Variants in RICTOR observed in about 807,000 individuals in gnomAD.
RICTOR encodes the protein RPTOR independent companion of MTOR complex 2, also known as rapamycin-insensitive companion of mTOR.
RICTOR carries 49 observed loss-of-function variants against 214.9 expected under a neutral mutation model. The observed-to-expected ratio is 0.23, with a 90% CI of 0.18 to 0.29. RICTOR has a LOEUF of 0.29. RICTOR is among the 10% of genes least tolerant of loss of function. The pLI, the probability that RICTOR is intolerant of heterozygous loss-of-function variation, is 1.00. For synonymous variants in RICTOR, 717 were observed against 711.3 expected (o/e 1.01, Z -0.13); for missense variants, 1,625 against 2,047.0 (o/e 0.79, Z 3.98).
intron 10 of RICTOR, among the ~76,000 whole-genome samples, chr5:38,973,524 T>C (rs1750959296): frequency 6.6e-6 from 1 of 152,176 alleles, no homozygotes; most frequent in African/African-American, 2.4e-5. Context: ...ATGTTTCAAA[T>C]TTTTTATGAC....
chr5:38,992,008 A>G (rs1299670607), intron 6 of RICTOR, among the ~76,000 whole-genome samples: 2 of 152,228 alleles, frequency 1.3e-5, no homozygotes, highest in Non-Finnish European at 2.9e-5. Context: ...CAATTAGAGG[A>G]TGTAATATAA....
At chr5:38,968,231 C>T (rs777421864) in intron 11 of RICTOR, among the ~76,000 whole-genome samples, 1 of 152,050 alleles carries the variant, frequency 6.6e-6, no homozygotes, top group Admixed American at 6.6e-5. Flanking sequence ...AAATTCCTAT[C>T]GCCTAGTGAA....
intron 3 of RICTOR, among the ~76,000 whole-genome samples, chr5:39,008,344 C>T (rs1045043954): frequency 2.0e-5 from 3 of 151,956 alleles, no homozygotes; most frequent in African/African-American, 7.2e-5. Flanking sequence ...ACAGAAGTAA[C>T]AATTATTGAC....
chr5:38,981,854 T>C lies in RICTOR; in HGVS notation c.753+13A>G. The C allele has an allele frequency of 6.3e-7, 1 of 1,575,014 alleles. No individual in the cohort carries two copies. The highest frequency in any genetic ancestry group is 8.7e-7 in the Non-Finnish European group (1 of 1,149,770). On this transcript the variant is annotated intron_variant, in intron 8 of 37. Transcript: ENST00000357387. Reference sequence around the variant, plus strand: ...AATATTTTAAAACTAGAAAAGAATATTAAAGTTCCTACCTCTAATTCTACA... The same window carrying C: ...AATATTTTAAAACTAGAAAAGAATACTAAAGTTCCTACCTCTAATTCTACA...
At chr5:39,018,413 C>T (rs1755133926) in intron 3 of RICTOR, among the ~76,000 whole-genome samples, 1 of 152,266 alleles carries the variant, frequency 6.6e-6, no homozygotes, top group Admixed American at 6.5e-5. Flanking sequence ...TTGAGCTTCA[C>T]AGATACTCTG....
intron 5 of RICTOR, among the ~76,000 whole-genome samples, chr5:38,999,053 A>C (rs1441483325): frequency 2.7e-5 from 4 of 147,020 alleles, no homozygotes; most frequent in East Asian, 4.1e-4. Flanking sequence ...AAAAAAAAAC[A>C]AACCTAAAAT....
chr5:39,028,275 C>T lies in RICTOR; in HGVS notation c.98-7139G>A, dbSNP rs945413780. 1.2e-3 allele frequency among the ~76,000 whole-genome samples: 179 copies of T among 147,484 alleles called. 2 individuals carry two copies. The highest frequency in any genetic ancestry group is 4.0e-3 in the African/African-American group (162 of 40,270). ...TCGGCTCACTGCAAGCTCCGCCTCA[C>T]GGGTTCACGCCATTCTCCTGCCTCA... On this transcript the variant is annotated intron_variant, in intron 2 of 37. Transcript: ENST00000357387.
intron 15 of RICTOR, among the ~76,000 whole-genome samples, chr5:38,965,779 T>G (rs577529306): frequency 2.4e-4 from 37 of 152,142 alleles, no homozygotes; most frequent in African/African-American, 7.9e-4. Context: ...CATAGCCCAG[T>G]TGCTATGAAG....
chr5:38,940,221 G>C lies in RICTOR; in HGVS notation c.*2083C>G. 1 of 231,426 alleles carries C rather than the reference G, an allele frequency of 4.3e-6. No homozygotes were observed. The highest frequency in any genetic ancestry group is 8.5e-6 in the Non-Finnish European group (1 of 117,196). The allele number at this position is 231,426 out of a possible 1,614,324, so 14.3% of individuals were successfully genotyped here. A position where few individuals can be genotyped will look rare whatever the true frequency, so the allele number is the denominator to read the frequency against. On this transcript the variant is annotated 3_prime_UTR_variant, in exon 38 of 38. Coordinates refer to ENST00000357387, the MANE Select transcript of RICTOR (RefSeq NM_152756.5). ...GATAGATGACCAAGGTGAGGGTACA[G>C]GGATAGTGATGGTGGGGGAGGGGGT...
chr5:39,039,530 A>G (rs2150166775), intron 2 of RICTOR, among the ~76,000 whole-genome samples: 1 of 152,344 alleles, frequency 6.6e-6, no homozygotes, highest in South Asian at 2.1e-4. Flanking sequence ...TGAACAGGTA[A>G]CCTACAGAAT....
At chr5:38,964,938 G>C (rs1481873282) in intron 15 of RICTOR, 46 bp from the exon 16 acceptor site, 2 of 1,164,920 alleles carry the variant, frequency 1.7e-6, no homozygotes, top group Non-Finnish European at 2.6e-6. Flanking sequence ...GAAGTAGAAA[G>C]AGTTTATGTC....
intron 3 of RICTOR, among the ~76,000 whole-genome samples, chr5:39,018,297 G>A (rs571010490): frequency 6.6e-5 from 10 of 152,012 alleles, no homozygotes; most frequent in African/African-American, 2.4e-4. Context: ...ACAACATCAG[G>A]AAAAGAGAAA....
chr5:39,069,376 G>A (rs924893890), intron 2 of RICTOR, among the ~76,000 whole-genome samples: 1 of 152,188 alleles, frequency 6.6e-6, no homozygotes, highest in Non-Finnish European at 1.5e-5. Flanking sequence ...TGCTGAACAT[G>A]AGAAAACTGA....
intron 2 of RICTOR, among the ~76,000 whole-genome samples, chr5:39,021,976 C>A (rs1327690044): frequency 6.6e-6 from 1 of 152,128 alleles, no homozygotes; most frequent in African/African-American, 2.4e-5. Flanking sequence ...AATTTTTCAA[C>A]TTTACATGGT....
chr5:38,950,637 T>C lies in RICTOR; in HGVS notation c.3211A>G (p.Thr1071Ala), dbSNP rs754101781. 1 of 1,612,890 alleles carries C rather than the reference T, an allele frequency of 6.2e-7. No individual in the cohort carries two copies. Among genetic ancestry groups the C allele is most frequent in the Non-Finnish European group, 8.5e-7 (1 of 1,179,232 alleles). Reference protein sequence around the residue: ...FLDINEDTEPTFYDRSGPIKD... With the variant: ...FLDINEDTEPAFYDRSGPIKD... The stretch of plus-strand genomic sequence containing the variant: ...ATGGGTCCAGATCGGTCATAAAATG[T>C]TGGCTCTGTATCTTCATTGATATCA... Residue 1071 changes from threonine to alanine, a missense_variant, in exon 31 of 38, where the codon ACA becomes GCA. Physicochemically the swap from Thr to Ala is moderately conservative, Grantham distance 58. Transcript: ENST00000357387.
At chr5:39,052,426 C>A (rs181755970) in intron 2 of RICTOR, among the ~76,000 whole-genome samples, 5 of 152,032 alleles carry the variant, frequency 3.3e-5, no homozygotes, top group Admixed American at 1.3e-4. Flanking sequence ...TGCAACCTAT[C>A]GTGTCTACAA....
chr5:39,006,341 T>C (rs2150112261), intron 3 of RICTOR, among the ~76,000 whole-genome samples: 1 of 152,264 alleles, frequency 6.6e-6, no homozygotes, highest in East Asian at 1.9e-4. Context: ...TATATGCCAG[T>C]TTAATCTAGA....
At position 38,967,889 on chromosome 5, in the gene RICTOR, C is replaced by T. The variant is rs1750368295; in HGVS notation, c.1060+54G>A. The T allele has an allele frequency of 3.4e-6, 3 of 873,840 alleles. No homozygotes were observed. In the South Asian group the frequency reaches 4.5e-5, roughly 13 times the overall value. 54.1% of individuals were successfully genotyped at this position (873,840 alleles called of 1,614,324 possible). A position where few individuals can be genotyped will look rare whatever the true frequency, so the allele number is the denominator to read the frequency against. On this transcript the variant is annotated intron_variant, in intron 12 of 37. Coordinates refer to ENST00000357387, the MANE Select transcript of RICTOR (RefSeq NM_152756.5). ...TATTTCTCCTTTTAGGAACTGTCTC[C>T]ATTAAATAAAAATTACAATATATGA...
chr5:38,940,138 AAAAAC>A lies in RICTOR; in HGVS notation c.*2161_*2165del, dbSNP rs1425745309. On this transcript the variant is annotated 3_prime_UTR_variant, in exon 38 of 38. Transcript: ENST00000357387. ...ATTTTTCAAAGTAACAGTAAAAAAA[AAAAAC>A]AAAAAAAAAAACACAAAACATTCAG... is the stretch of plus-strand genomic sequence containing the variant. The A allele has an allele frequency of 3.4e-5, 7 of 207,038 alleles. No homozygotes were observed. The highest frequency in any genetic ancestry group is 1.7e-4 in the African/African-American group (6 of 34,886). 12.8% of individuals were successfully genotyped at this position (207,038 alleles called of 1,614,324 possible).
Sources: allele counts gnomAD v4.1 joint callset (sites outside exome capture counted in the v4.1 genomes callset), GRCh38; gene constraint gnomAD v4.1.1; transcripts MANE v1.5; gene names NCBI Gene and HGNC (gene_info 2026-07-23, HGNC 2026-07-21).